BCAT1: variants seen among roughly 807,000 people sequenced by gnomAD.
BCAT1 encodes branched chain amino acid transaminase 1.
Under a neutral mutation model 52.4 loss-of-function variants are expected in BCAT1, and 48 were observed. The observed-to-expected ratio is 0.92, with a 90% confidence interval of 0.73 to 1.16. The LOEUF is 1.16. Among genes scored for constraint, BCAT1 ranks in the 50% most tolerant of loss-of-function variants. The pLI is 0.00. For missense variants in BCAT1, 451 were observed against 457.1 expected, an observed-to-expected ratio of 0.99 and a Z score of 0.12; for synonymous variants, 167 against 161.3, an observed-to-expected ratio of 1.04 and a Z score of -0.27.
At chr12:24,898,623 C>G (rs1290459333) in intron 2 of BCAT1, among the ~76,000 whole-genome samples, 1 of 143,032 alleles carries the variant, frequency 7.0e-6, no homozygotes. Flanking sequence ...TCAAGCAAGT[C>G]TCAAGCCTCA....
At chr12:24,878,493 C>G (rs1942406470) in intron 5 of BCAT1, 37 bp downstream of exon 5, 1 of 1,579,400 alleles carries the variant, frequency 6.3e-7, no homozygotes, top group Non-Finnish European at 8.6e-7. Context: ...AATAACTTGC[C>G]CAGCAAAGTA....
intron 5 of BCAT1, among the ~76,000 whole-genome samples, chr12:24,850,453 C>T (rs1941473928): frequency 6.6e-6 from 1 of 152,166 alleles, no homozygotes; most frequent in South Asian, 2.1e-4. Context: ...AGCACACCTG[C>T]CCACATCAAC....
At chr12:24,861,843 A>G (rs1035338335) in intron 5 of BCAT1, among the ~76,000 whole-genome samples, 1 of 152,214 alleles carries the variant, frequency 6.6e-6, no homozygotes, top group Non-Finnish European at 1.5e-5. Flanking sequence ...CACTGAAAAA[A>G]CAGGAAGCAG....
At chr12:24,935,133 G>T (rs1182949413) in intron 1 of BCAT1, among the ~76,000 whole-genome samples, 2 of 152,178 alleles carry the variant, frequency 1.3e-5, no homozygotes, top group Non-Finnish European at 2.9e-5. Flanking sequence ...AGACCAAGTG[G>T]ATCCAGTGAG....
chr12:24,899,459 G>C (rs1943036803), intron 2 of BCAT1, among the ~76,000 whole-genome samples: 1 of 150,656 alleles, frequency 6.6e-6, no homozygotes, highest in South Asian at 2.1e-4. Flanking sequence ...ATCTACTGTG[G>C]AAAATGGTAT....
chr12:24,869,504 T>A (rs908396938), intron 5 of BCAT1, among the ~76,000 whole-genome samples: 8 of 152,194 alleles, frequency 5.3e-5, no homozygotes, highest in Admixed American at 3.3e-4. Flanking sequence ...TTTCATGGCC[T>A]TGGGACAAGG....
chr12:24,846,867 T>A (rs1314725956), intron 6 of BCAT1, among the ~76,000 whole-genome samples: 1 of 152,220 alleles, frequency 6.6e-6, no homozygotes, highest in African/African-American at 2.4e-5. Context: ...GCTAAGTACT[T>A]AACTACATTA....
intron 6 of BCAT1, among the ~76,000 whole-genome samples, chr12:24,844,905 A>AG (rs1941296441): frequency 6.8e-6 from 1 of 146,144 alleles, no homozygotes; most frequent in Non-Finnish European, 1.5e-5. Context: ...AAAAAAAAAA[A>AG]AAAAAAAAAA....
At chr12:24,925,892 C>T (rs2139731280) in intron 1 of BCAT1, among the ~76,000 whole-genome samples, 1 of 152,360 alleles carries the variant, frequency 6.6e-6, no homozygotes, top group Non-Finnish European at 1.5e-5. Context: ...TCACTCAGTG[C>T]TCAATGTTGC....
At position 24,832,810 on chromosome 12, in the gene BCAT1, G is replaced by T. The variant is rs969939466; in HGVS notation, c.957C>A (p.Ala319=). The T allele has an allele frequency of 6.2e-7, 1 of 1,612,288 alleles. No homozygotes were observed. The highest frequency in any genetic ancestry group is 1.7e-5 in the Admixed American group (1 of 59,808). Residue 319 remains alanine, a synonymous_variant, in exon 9 of 11, where the codon GCC becomes GCA. Transcript: ENST00000261192. ...RYLTMDDLTT[A]LEGNRVREMF... ...TCTCTCTCACTCTGTTCCCCTCCAG[G>T]GCTGTTGTCAAGTCATCCATGGTGA...
intron 1 of BCAT1, among the ~76,000 whole-genome samples, chr12:24,929,966 CT>C (rs1166858959): frequency 6.6e-6 from 1 of 152,240 alleles, no homozygotes; most frequent in Non-Finnish European, 1.5e-5. Context: ...TCCCACATCA[CT>C]TTCCTCTCCA....
At chr12:24,943,809 C>T (rs538900252) in intron 1 of BCAT1, among the ~76,000 whole-genome samples, 4 of 151,834 alleles carry the variant, frequency 2.6e-5, no homozygotes, top group East Asian at 1.9e-4. Flanking sequence ...ATGGTGAAAC[C>T]CCGTCTCTAC....
At chr12:24,828,313 G>A (rs114354947) in intron 10 of BCAT1, among the ~76,000 whole-genome samples, 1,553 of 152,252 alleles carry the variant, frequency 0.01, 33 homozygotes, top group African/African-American at 0.036. Context: ...TCTCTTTTCT[G>A]AGTAGCCCAG....
chr12:24,911,627 G>A (rs748429558), intron 1 of BCAT1, among the ~76,000 whole-genome samples: 3 of 152,050 alleles, frequency 2.0e-5, no homozygotes, highest in Non-Finnish European at 2.9e-5. Flanking sequence ...CTCACTCTGC[G>A]AGCAGACAAA....
intron 3 of BCAT1, among the ~76,000 whole-genome samples, chr12:24,890,198 G>T (rs763827778): frequency 6.6e-6 from 1 of 152,210 alleles, no homozygotes; most frequent in Non-Finnish European, 1.5e-5. Context: ...AGACATTCCA[G>T]AGGACAGGAC....
intron 1 of BCAT1, among the ~76,000 whole-genome samples, chr12:24,937,283 G>GA (rs1461010143): frequency 6.6e-6 from 1 of 152,134 alleles, no homozygotes; most frequent in Non-Finnish European, 1.5e-5. Flanking sequence ...ATCAGAAGAA[G>GA]ACCTTCCAGG....
intron 1 of BCAT1, 165 bp from the exon 2 acceptor site, chr12:24,902,050 A>G (rs1218128506): frequency 6.5e-7 from 1 of 1,541,730 alleles, no homozygotes; most frequent in Non-Finnish European, 8.7e-7. Context: ...AACCTCCAAC[A>G]AGCGTGTCTT....
At chr12:24,882,621 G>GTT (rs1942536269) in intron 3 of BCAT1, among the ~76,000 whole-genome samples, 3 of 149,500 alleles carry the variant, frequency 2.0e-5, no homozygotes, top group Admixed American at 2.0e-4. Flanking sequence ...AGACAGAGTT[G>GTT]TTTTTCTCTG....
intron 1 of BCAT1, chr12:24,902,170 G>A: frequency 7.0e-7 from 1 of 1,433,594 alleles, no homozygotes; most frequent in Non-Finnish European, 9.1e-7. Context: ...ACAGAGCCAG[G>A]GTTCGCCGGC....
Sources: gnomAD v4.1 joint callset for allele counts (sites outside exome capture counted in the v4.1 genomes callset) on GRCh38, gnomAD v4.1.1 for gene constraint, MANE v1.5 for transcripts, NCBI Gene and HGNC (gene_info 2026-07-23, HGNC 2026-07-21) for gene names.